The following DCC variants were observed in gnomAD, a reference collection of about 807,000 sequenced individuals.
DCC encodes netrin receptor DCC.
A neutral mutation model predicts 172.5 loss-of-function variants in DCC; 58 were observed. The observed-to-expected ratio is 0.34, with a 90% confidence interval of 0.27 to 0.42. DCC has a LOEUF of 0.42. Among genes scored for constraint, DCC ranks in the 10% least tolerant of loss-of-function variants. The probability of loss-of-function intolerance (pLI) is 1.00; values close to 1 mark genes in which losing one functional copy is unlikely to be tolerated. For missense variants in DCC, 1,740 were observed against 1,791.0 expected (o/e 0.97, Z 0.51); for synonymous variants, 709 against 644.5 (o/e 1.10, Z -1.52).
intron 5 of DCC, among the ~76,000 whole-genome samples, chr18:53,046,876 T>A (rs957471647): frequency 1.3e-5 from 2 of 151,824 alleles, no homozygotes; most frequent in Non-Finnish European, 2.9e-5. Flanking sequence ...AGTCCGTGAC[T>A]CTCTCTACAA....
At chr18:52,563,310 A>G (rs2033082499) in intron 1 of DCC, among the ~76,000 whole-genome samples, 1 of 152,194 alleles carries the variant, frequency 6.6e-6, no homozygotes. Context: ...TAGAAGAAAT[A>G]AAACCCTCTT....
intron 23 of DCC, among the ~76,000 whole-genome samples, chr18:53,454,726 A>C (rs928543907): frequency 6.6e-6 from 1 of 152,234 alleles, no homozygotes; most frequent in Non-Finnish European, 1.5e-5. Flanking sequence ...AATTATTTTT[A>C]GTACTGACGA....
chr18:53,459,161 T>C (rs1485873494), intron 23 of DCC, 71 bp from the exon 24 acceptor site: 8 of 1,223,116 alleles, frequency 6.5e-6, no homozygotes, highest in African/African-American at 3.0e-5. Flanking sequence ...CTAACTTGAA[T>C]TGACTGATGA....
rs1471219256 is a variant in DCC at position 52,927,149 on chromosome 18, GTA to G, written c.985+1786_985+1787del. 1.3e-3 allele frequency among the ~76,000 whole-genome samples: 83 copies of G among 63,630 alleles called. 21 individuals are homozygous for G. The highest frequency in any genetic ancestry group is 2.3e-3 in the African/African-American group (45 of 19,550). The allele number at this position is 63,630 out of a possible 152,430, so 41.7% of individuals were successfully genotyped here. A position where few individuals can be genotyped will look rare whatever the true frequency, so the allele number is the denominator to read the frequency against. On this transcript the variant is annotated intron_variant, in intron 5 of 28. Transcript: ENST00000442544. ...TACACGTATATACGTGTATATATGT[GTA>G]TATATACGTATATATGTGTATATAT...
chr18:52,760,636 GATA>G (rs758983527), intron 2 of DCC, among the ~76,000 whole-genome samples: 4 of 152,108 alleles, frequency 2.6e-5, no homozygotes, highest in Admixed American at 6.5e-5. Flanking sequence ...AATAATGATG[GATA>G]ATAACTTTAT....
chr18:52,969,948 T>C (rs1408176844), intron 5 of DCC, among the ~76,000 whole-genome samples: 1 of 152,066 alleles, frequency 6.6e-6, no homozygotes, highest in East Asian at 1.9e-4. Context: ...CTGTTTGCAA[T>C]GTTGTCAGAG....
chr18:53,089,596 A>C (rs868501353), intron 7 of DCC, among the ~76,000 whole-genome samples: 20 of 145,920 alleles, frequency 1.4e-4, no homozygotes, highest in Non-Finnish European at 3.0e-4. Flanking sequence ...ACCAAAAAAC[A>C]AAAAACAAAA....
chr18:53,407,110 T>C (rs1909708468), intron 19 of DCC, among the ~76,000 whole-genome samples: 1 of 152,188 alleles, frequency 6.6e-6, no homozygotes, highest in East Asian at 1.9e-4. Context: ...ATTAAAAACA[T>C]AGTGAAGACA....
chr18:52,426,254 G>GTGCA (rs1236916551), intron 1 of DCC, among the ~76,000 whole-genome samples: 1 of 151,404 alleles, frequency 6.6e-6, no homozygotes, highest in Non-Finnish European at 1.5e-5. Flanking sequence ...GTGGCTGATT[G>GTGCA]TGCATGAATC....
chr18:52,700,245 C>A (rs200863287), intron 1 of DCC, among the ~76,000 whole-genome samples: 2 of 147,950 alleles, frequency 1.4e-5, no homozygotes, highest in East Asian at 4.0e-4. Flanking sequence ...CACATGCACA[C>A]TCACACACGC....
At chr18:53,047,296 ATATATATATATAATTT>A (rs1238297401) in intron 5 of DCC, among the ~76,000 whole-genome samples, 11 of 22,790 alleles carry the variant, frequency 4.8e-4, no homozygotes, top group East Asian at 6.5e-4. Flanking sequence ...ATAATTTTAT[ATATATATATATAATTT>A]TATATATATA....
intron 15 of DCC, among the ~76,000 whole-genome samples, chr18:53,362,999 A>G (rs1349393565): frequency 6.6e-6 from 1 of 152,130 alleles, no homozygotes; most frequent in Non-Finnish European, 1.5e-5. Context: ...CAATGTACCT[A>G]AAAGGAGGGT....
intron 9 of DCC, among the ~76,000 whole-genome samples, chr18:53,201,114 T>C (rs1313145063): frequency 6.6e-6 from 1 of 152,104 alleles, no homozygotes; most frequent in Non-Finnish European, 1.5e-5. Flanking sequence ...ACACACTGCC[T>C]CCCTTTCCCT....
At chr18:52,982,678 A>C (rs146863233) in intron 5 of DCC, among the ~76,000 whole-genome samples, 20 of 152,224 alleles carry the variant, frequency 1.3e-4, no homozygotes, top group Middle Eastern at 3.4e-3. Context: ...AGATATTGCC[A>C]GATGTCCCCA....
chr18:53,297,839 A>T (rs2057086182), intron 12 of DCC, among the ~76,000 whole-genome samples: 1 of 152,238 alleles, frequency 6.6e-6, no homozygotes. Context: ...AGAAGAAAGA[A>T]TCTTTGTAAT....
At chr18:52,856,332 T>C (rs957099276) in intron 2 of DCC, among the ~76,000 whole-genome samples, 4 of 151,994 alleles carry the variant, frequency 2.6e-5, no homozygotes, top group Middle Eastern at 3.4e-3. Flanking sequence ...TCATAGCTAA[T>C]TAAGAGAGCA....
intron 12 of DCC, among the ~76,000 whole-genome samples, chr18:53,266,434 T>TA (rs2056675695): frequency 6.6e-6 from 1 of 152,168 alleles, no homozygotes; most frequent in African/African-American, 2.4e-5. Context: ...ATGCCTGGGG[T>TA]AAAATGAGAG....
chr18:53,196,536 A>G (rs1047692210), intron 9 of DCC, among the ~76,000 whole-genome samples: 4 of 152,154 alleles, frequency 2.6e-5, no homozygotes, highest in Non-Finnish European at 4.4e-5. Context: ...AATTACAAGA[A>G]ATCTGCTTTG....
chr18:53,218,021 T>G (rs2055879847), intron 12 of DCC, among the ~76,000 whole-genome samples: 2 of 152,030 alleles, frequency 1.3e-5, no homozygotes, highest in South Asian at 4.1e-4. Flanking sequence ...AATTTATTTT[T>G]GTGTTTTTTG....
Sources: gnomAD v4.1 joint callset for allele counts (sites outside exome capture counted in the v4.1 genomes callset) on GRCh38, gnomAD v4.1.1 for gene constraint, MANE v1.5 for transcripts, NCBI Gene and HGNC (gene_info 2026-07-23, HGNC 2026-07-21) for gene names.